The following EGFR variants were observed in gnomAD, a reference collection of about 807,000 sequenced individuals.
The protein encoded by EGFR is avian erythroblastic leukemia viral (v-erb-b) oncogene homolog.
Under a neutral mutation model 143.0 loss-of-function variants are expected in EGFR, and 58 were observed. The observed-to-expected ratio is 0.41, with a 90% CI of 0.33 to 0.50. The LOEUF (loss-of-function observed/expected upper bound fraction) is 0.50, where lower values mean the gene tolerates loss of function less well. EGFR is among the 20% of genes least tolerant of loss of function. The pLI, the probability that EGFR is intolerant of heterozygous loss-of-function variation, is 0.39. For synonymous variants in EGFR, 613 were observed against 594.4 expected (o/e 1.03, Z -0.45); for missense variants, 1,307 against 1,579.0 (o/e 0.83, Z 2.92).
At chr7:55,035,385 C>T (rs940774500) in intron 1 of EGFR, among the ~76,000 whole-genome samples, 6 of 151,340 alleles carry the variant, frequency 4.0e-5, no homozygotes, top group Admixed American at 6.6e-5. Flanking sequence ...TAAAAATGGC[C>T]GAGTGTGGTG....
At chr7:55,070,696 G>A (rs1254961203) in intron 1 of EGFR, among the ~76,000 whole-genome samples, 3 of 152,158 alleles carry the variant, frequency 2.0e-5, no homozygotes, top group African/African-American at 7.2e-5. Flanking sequence ...GTCTTAATTC[G>A]CAGCCAGGGC....
chr7:55,094,632 C>CTAACTTCTCCCT (rs1562708835), intron 1 of EGFR, among the ~76,000 whole-genome samples: 1 of 152,232 alleles, frequency 6.6e-6, no homozygotes, highest in East Asian at 1.9e-4. Flanking sequence ...AACTTCCTTT[C>CTAACTTCTCCCT]TAACTTCTCC....
At chr7:55,156,310 C>T (rs943575700) in intron 8 of EGFR, among the ~76,000 whole-genome samples, 2 of 152,198 alleles carry the variant, frequency 1.3e-5, no homozygotes, top group Admixed American at 1.3e-4. Flanking sequence ...GATGGCATCT[C>T]CTACACCGCC....
chr7:55,144,891 A>G (rs959809802), intron 3 of EGFR, among the ~76,000 whole-genome samples: 1 of 152,202 alleles, frequency 6.6e-6, no homozygotes, highest in Non-Finnish European at 1.5e-5. Context: ...TGTGGATGGC[A>G]TAGCTGCTAA....
At position 55,076,543 on chromosome 7, in the gene EGFR, A is replaced by T. The variant is rs1218462073; in HGVS notation, c.88+57178A>T. Among the ~76,000 whole-genome samples, 9 of 152,272 alleles carry T rather than the reference A, an allele frequency of 5.9e-5. No individual in the cohort carries two copies. The East Asian group carries it at 1.7e-3, about 29-fold the overall frequency. On this transcript the variant is annotated intron_variant, in intron 1 of 27. Transcript: ENST00000275493. ...ATTCCTCTTTTTATTCCATCATCTG[A>T]TAGGCCTATTTTTACACATACACAC... is the stretch of plus-strand genomic sequence containing the variant.
At position 55,200,330 on chromosome 7, in the gene EGFR, G is replaced by C. The variant is rs201830126; in HGVS notation, c.2863G>C (p.Ala955Pro). 1 of 1,614,054 alleles carries C rather than the reference G, an allele frequency of 6.2e-7. No individual in the cohort carries two copies. Among genetic ancestry groups the C allele is most frequent in the Non-Finnish European group, 8.5e-7 (1 of 1,179,994 alleles). ...MIMVKCWMID[A>P]DSRPKFRELI... Reference sequence around the variant, plus strand: ...TCCTTCCCCAGGCTGGATGATAGACGCAGATAGTCGCCCAAAGTTCCGTGA... The same window carrying C: ...TCCTTCCCCAGGCTGGATGATAGACCCAGATAGTCGCCCAAAGTTCCGTGA... Residue 955 changes from alanine (A) to proline (P), a missense_variant, in exon 24 of 28, where the codon GCA (alanine) becomes CCA (proline). This residue lies in a region of EGFR where 348 missense variants were observed against 451.5 expected (regional missense o/e 0.77). Coordinates refer to ENST00000275493, the MANE Select transcript of EGFR (RefSeq NM_005228.5).
chr7:55,099,212 AT>A (rs1791658572), intron 1 of EGFR, among the ~76,000 whole-genome samples: 4 of 152,190 alleles, frequency 2.6e-5, no homozygotes, highest in African/African-American at 7.2e-5. Context: ...CATGCCCAGA[AT>A]GCTACAAAGA....
At chr7:55,204,490 A>G (rs1788017474) in intron 27 of EGFR, among the ~76,000 whole-genome samples, 1 of 139,898 alleles carries the variant, frequency 7.1e-6, no homozygotes, top group Non-Finnish European at 1.5e-5. Context: ...CACACACACC[A>G]CAAAAACCCC....
chr7:55,092,587 T>A (rs1791191652), intron 1 of EGFR, among the ~76,000 whole-genome samples: 1 of 152,284 alleles, frequency 6.6e-6, no homozygotes, highest in African/African-American at 2.4e-5. Context: ...TTTATTACAT[T>A]ATTGTTAAGA....
At chr7:55,056,824 G>A (rs985689307) in intron 1 of EGFR, among the ~76,000 whole-genome samples, 2 of 152,214 alleles carry the variant, frequency 1.3e-5, no homozygotes, top group Non-Finnish European at 2.9e-5. Flanking sequence ...TGTGGAGGCT[G>A]GAGCACATTA....
chr7:55,073,805 C>G (rs1047931878), intron 1 of EGFR, among the ~76,000 whole-genome samples: 1 of 152,170 alleles, frequency 6.6e-6, no homozygotes, highest in Non-Finnish European at 1.5e-5. Flanking sequence ...AGAAAACCAG[C>G]GTGCTATTTG....
rs1176492595 is a variant in EGFR, at chr7:55,208,690, C to T, written c.*3073C>T. On this transcript the variant is annotated 3_prime_UTR_variant, in exon 28 of 28. Transcript: ENST00000275493. ...CACTGTGGATGCATCCTATTGCACT[C>T]CAGCTGATGACACCAAAGCTTAGGT... 1.3e-5 allele frequency: 2 copies of T among 152,108 alleles called. No individual in the cohort carries two copies. The highest frequency in any genetic ancestry group is 2.9e-5 in the Non-Finnish European group (2 of 68,024). The allele number at this position is 152,108 out of a possible 1,614,324, so 9.4% of individuals were successfully genotyped here.
chr7:55,180,935 A>AG, intron 19 of EGFR: 3 of 380,044 alleles, frequency 7.9e-6, no homozygotes, highest in Non-Finnish European at 1.5e-5. Flanking sequence ...CAGCATCCTC[A>AG]ACCTTGAGGC....
intron 23 of EGFR, 88 bp downstream of exon 23, chr7:55,198,951 A>G (rs1477012909): frequency 6.5e-7 from 1 of 1,545,228 alleles, no homozygotes; most frequent in African/African-American, 1.4e-5. Context: ...GCATCCCTGG[A>G]GAAATGTCAT....
chr7:55,053,594 A>G (rs1788615464), intron 1 of EGFR, among the ~76,000 whole-genome samples: 1 of 152,218 alleles, frequency 6.6e-6, no homozygotes, highest in Non-Finnish European at 1.5e-5. Flanking sequence ...ATGAGAGCTG[A>G]GTTTGCTGTG....
intron 1 of EGFR, among the ~76,000 whole-genome samples, chr7:55,069,806 C>A (rs993340768): frequency 9.8e-5 from 15 of 152,298 alleles, no homozygotes; most frequent in African/African-American, 3.4e-4. Flanking sequence ...TTACAAGGAA[C>A]CCCCATAGTT....
At chr7:55,113,665 CT>C (rs376484966) in intron 1 of EGFR, among the ~76,000 whole-genome samples, 13 of 152,228 alleles carry the variant, frequency 8.5e-5, no homozygotes, top group African/African-American at 2.9e-4. Context: ...GCTTAGAACT[CT>C]AGTTTTTGTT....
chr7:55,086,867 C>T (rs536266727), intron 1 of EGFR, among the ~76,000 whole-genome samples: 18 of 152,268 alleles, frequency 1.2e-4, no homozygotes, highest in African/African-American at 4.3e-4. Flanking sequence ...CTTTTTTCTC[C>T]ACCCCCTCGT....
chr7:55,093,379 C>G (rs1791244711), intron 1 of EGFR, among the ~76,000 whole-genome samples: 1 of 152,132 alleles, frequency 6.6e-6, no homozygotes, highest in South Asian at 2.1e-4. Flanking sequence ...TTTACTCTAC[C>G]TCGTTTTGGA....
Sources: gnomAD v4.1 joint callset for allele counts (sites outside exome capture counted in the v4.1 genomes callset) on GRCh38, gnomAD v4.1.1 for gene constraint, gnomAD v4.1.1 regional missense constraint, MANE v1.5 for transcripts, NCBI Gene and HGNC (gene_info 2026-07-23, HGNC 2026-07-21) for gene names.